The following RYR2 variants were observed in gnomAD, a reference collection of about 807,000 sequenced individuals.
RYR2 encodes ryanodine receptor 2, also known as cardiac muscle ryanodine receptor-calcium release channel.
In RYR2, 227 loss-of-function variants were observed where a neutral mutation model predicts 601.1. The observed-to-expected ratio is 0.38, with a 90% CI of 0.34 to 0.42. The LOEUF (loss-of-function observed/expected upper bound fraction) is 0.42, where lower values mean the gene tolerates loss of function less well. Ranked by LOEUF, RYR2 falls within the 10% of genes least tolerant of loss-of-function variation. RYR2 has a pLI of 1.00. For synonymous variants in RYR2, 2,223 were observed against 2,175.1 expected (o/e 1.02, Z -0.61); for missense variants, 4,646 against 6,156.5 (o/e 0.75, Z 8.21).
intron 79 of RYR2, among the ~76,000 whole-genome samples, chr1:237,741,106 C>T (rs1401931439): frequency 6.6e-6 from 1 of 152,266 alleles, no homozygotes; most frequent in Middle Eastern, 3.4e-3. Flanking sequence ...TGAAACTGTC[C>T]TAGGCCTGCG....
At chr1:237,725,691 T>C (rs1690136412) in intron 74 of RYR2, among the ~76,000 whole-genome samples, 1 of 152,106 alleles carries the variant, frequency 6.6e-6, no homozygotes, top group Non-Finnish European at 1.5e-5. Context: ...TTATCATTGA[T>C]TTAGAGGAAA....
At chr1:237,801,942 G>A (rs1276265035) in intron 98 of RYR2, 26 bp downstream of exon 98, 8 of 1,417,154 alleles carry the variant, frequency 5.6e-6, no homozygotes, top group Non-Finnish European at 7.9e-6. Flanking sequence ...TATCACAAAA[G>A]AAAATGCACT....
intron 1 of RYR2, among the ~76,000 whole-genome samples, chr1:237,122,331 T>C (rs545380371): frequency 6.6e-6 from 1 of 152,302 alleles, no homozygotes; most frequent in East Asian, 1.9e-4. Context: ...TTGCAAAAGA[T>C]GAGTGTTAAA....
intron 16 of RYR2, among the ~76,000 whole-genome samples, chr1:237,463,779 C>T (rs956575631): frequency 8.5e-5 from 13 of 152,214 alleles, no homozygotes; most frequent in Admixed American, 3.9e-4. Flanking sequence ...TGTACCTTGA[C>T]GCACCATACC....
chr1:237,051,462 G>C (rs1021763302), intron 1 of RYR2, among the ~76,000 whole-genome samples: 1 of 151,344 alleles, frequency 6.6e-6, no homozygotes, highest in African/African-American at 2.4e-5. Flanking sequence ...CAGGAACAAT[G>C]GTGTCCACAT....
rs576303263 is a variant in RYR2, at chr1:237,062,528, T to C, written c.48+19959T>C. ...GCAAATGTATCTTTAAAAAATTGTT[T>C]CTTAGACTGTAAAAATATAATTGAC... On this transcript the variant is annotated intron_variant, in intron 1 of 104. Transcript: ENST00000366574. Among the ~76,000 whole-genome samples, 5 of 152,346 alleles carry C rather than the reference T, an allele frequency of 3.3e-5. No individual in the cohort carries two copies. In the South Asian group the frequency reaches 1.0e-3, roughly 32 times the overall value.
At chr1:237,593,088 C>G (rs2779432) in intron 32 of RYR2, among the ~76,000 whole-genome samples, 14 of 151,156 alleles carry the variant, frequency 9.3e-5, no homozygotes, top group African/African-American at 3.2e-4. Context: ...TGAAGCTTCC[C>G]TATGCTTAAT....
At chr1:237,700,538 A>T in intron 65 of RYR2, 71 bp downstream of exon 65, 1 of 739,936 alleles carries the variant, frequency 1.4e-6, no homozygotes, top group Non-Finnish European at 2.3e-6. Context: ...CAAAAACAGT[A>T]ATAGCCACAT....
Position 237,610,999 on chromosome 1 carries a change from G to A in RYR2, c.4910+11G>A. Reference sequence around the variant, plus strand: ...CCCTGAGGAAAACAGGTCAGCCCCAGTGAATCCCTGACATTCTGATTGGGA... The same window carrying A: ...CCCTGAGGAAAACAGGTCAGCCCCAATGAATCCCTGACATTCTGATTGGGA... On this transcript the variant is annotated intron_variant, in intron 36 of 104. Coordinates refer to ENST00000366574, the MANE Select transcript of RYR2 (RefSeq NM_001035.3). This position sits in a 1 kb window ranked among gnomAD's most constrained non-coding sequence, Gnocchi z 4.9. The A allele has an allele frequency of 6.2e-7, 1 of 1,604,274 alleles. No homozygotes were observed. Among genetic ancestry groups the A allele is most frequent in the Non-Finnish European group, 8.5e-7 (1 of 1,174,642 alleles).
chr1:237,732,179 A>G (rs773118614), intron 78 of RYR2, 30 bp downstream of exon 78: 9 of 1,368,688 alleles, frequency 6.6e-6, no homozygotes, highest in Non-Finnish European at 9.3e-6. Flanking sequence ...TATGAGACAT[A>G]GGAGGAGCAA....
At chr1:237,294,377 T>C (rs908249799) in intron 2 of RYR2, among the ~76,000 whole-genome samples, 1 of 152,074 alleles carries the variant, frequency 6.6e-6, no homozygotes, top group South Asian at 2.1e-4. Context: ...CAATCAGTAG[T>C]ACCTGAAATA....
intron 71 of RYR2, among the ~76,000 whole-genome samples, chr1:237,716,435 A>T (rs1363262759): frequency 1.3e-5 from 2 of 152,174 alleles, no homozygotes; most frequent in African/African-American, 4.8e-5. Context: ...AAATAAGTGG[A>T]TGTGGGACAA....
At chr1:237,507,053 TATC>T (rs1171861721) in intron 23 of RYR2, among the ~76,000 whole-genome samples, 1 of 152,232 alleles carries the variant, frequency 6.6e-6, no homozygotes, top group African/African-American at 2.4e-5. Context: ...AATGGAAAGT[TATC>T]AGTGTCTGGG....
intron 62 of RYR2, among the ~76,000 whole-genome samples, chr1:237,680,823 A>G (rs1207098559): frequency 1.3e-5 from 2 of 150,806 alleles, no homozygotes; most frequent in African/African-American, 2.4e-5. Flanking sequence ...AATATCACTC[A>G]TTTCACAATC....
At chr1:237,215,595 T>G (rs1359530117) in intron 1 of RYR2, among the ~76,000 whole-genome samples, 1 of 152,194 alleles carries the variant, frequency 6.6e-6, no homozygotes, top group East Asian at 1.9e-4. Flanking sequence ...TGTTTTCATA[T>G]ACAAATAAAG....
At chr1:237,692,255 A>G (rs1208374106) in intron 63 of RYR2, among the ~76,000 whole-genome samples, 6 of 152,206 alleles carry the variant, frequency 3.9e-5, no homozygotes, top group Non-Finnish European at 7.4e-5. Context: ...TCAAGATGTG[A>G]GGATAGGAAA....
At chr1:237,312,300 C>T (rs1417590771) in intron 2 of RYR2, among the ~76,000 whole-genome samples, 1 of 152,178 alleles carries the variant, frequency 6.6e-6, no homozygotes, top group African/African-American at 2.4e-5. Context: ...CATAGGCAAG[C>T]TGTTGCCGCA....
chr1:237,329,391 C>T (rs1167131268), intron 2 of RYR2, among the ~76,000 whole-genome samples: 2 of 151,880 alleles, frequency 1.3e-5, no homozygotes, highest in African/African-American at 2.4e-5. Flanking sequence ...TCTGTAATCC[C>T]AGCACTTTGG....
intron 1 of RYR2, among the ~76,000 whole-genome samples, chr1:237,146,840 A>G (rs1175225666): frequency 7.2e-6 from 1 of 138,888 alleles, no homozygotes; most frequent in Non-Finnish European, 1.6e-5. Flanking sequence ...TTTAAAAAAG[A>G]GATTATAGTT....
Sources: allele counts gnomAD v4.1 joint callset (sites outside exome capture counted in the v4.1 genomes callset), GRCh38; gene constraint gnomAD v4.1.1; non-coding constraint Gnocchi (gnomAD v3.1); transcripts MANE v1.5; gene names NCBI Gene and HGNC (gene_info 2026-07-23, HGNC 2026-07-21).